Variants in IFNA8 observed in about 807,000 individuals in gnomAD.
The protein encoded by IFNA8 is interferon alpha 8.
For synonymous variants in IFNA8, 91 were observed against 84.4 expected, an observed-to-expected ratio of 1.08 and a Z score of -0.43; for missense variants, 246 against 212.3, an observed-to-expected ratio of 1.16 and a Z score of -0.99.
At position 21,409,213 on chromosome 9, in the gene IFNA8, G is replaced by A; in HGVS notation, c.37G>A (p.Val13Met). Residue 13 changes from valine (V) to methionine (M), a missense_variant, in exon 1 of 1, where the codon GTG becomes ATG. Val to Met is a conservative substitution (Grantham distance 21). Coordinates refer to ENST00000380205, the MANE Select transcript of IFNA8 (RefSeq NM_002170.4). ...TTTTTATTTACTGGTGGCCCTAGTG[G>A]TGCTCAGCTACAAGTCATTCAGCTC... ...LTFYLLVALV[V>M]LSYKSFSSLG... is the part of the protein sequence containing the mutation. 6.2e-7 allele frequency: 1 copy of A among 1,613,970 alleles called. No individual in the cohort carries two copies. Among genetic ancestry groups the A allele is most frequent in the Non-Finnish European group, 8.5e-7 (1 of 1,179,910 alleles).
At position 21,409,956 on chromosome 9, in the gene IFNA8, C is replaced by G. The variant is rs978360123; in HGVS notation, c.*210C>G. On this transcript the variant is annotated 3_prime_UTR_variant, in exon 1 of 1. Transcript: ENST00000380205. ...AGATGACCATGCTGATGGATCTATTCATCTATTTATTTAAATCTTTATTTA... is the reference window on the plus strand; with the variant it reads ...AGATGACCATGCTGATGGATCTATTGATCTATTTATTTAAATCTTTATTTA... 18 of 451,462 alleles carry G rather than the reference C, an allele frequency of 4.0e-5. No homozygotes were observed. The highest frequency in any genetic ancestry group is 7.4e-5 in the Non-Finnish European group (18 of 242,140). 28.0% of individuals were successfully genotyped at this position (451,462 alleles called of 1,614,324 possible).
rs1203108868 is a variant in IFNA8 at position 21,409,524 on chromosome 9, G to C, written c.348G>C (p.Leu116=). 2 of 1,613,964 alleles carry C rather than the reference G, an allele frequency of 1.2e-6. No individual in the cohort carries two copies. The highest frequency in any genetic ancestry group is 2.2e-5 in the South Asian group (2 of 91,078). Residue 116 remains leucine, a synonymous_variant, in exon 1 of 1, where the codon CTG becomes CTC. Coordinates refer to ENST00000380205, the MANE Select transcript of IFNA8 (RefSeq NM_002170.4). The stretch of plus-strand genomic sequence containing the variant: ...TCTACATCGAACTTGACCAGCAGCT[G>C]AATGACCTGGAGTCCTGTGTGATGC... ...DEFYIELDQQ[L]NDLESCVMQE... is the part of the protein sequence containing the mutation.
rs1162153455 is a variant in IFNA8, at chr9:21,409,614, C to T, written c.438C>T (p.Tyr146=). The T allele has an allele frequency of 6.2e-7, 1 of 1,613,976 alleles. No homozygotes were observed. The highest frequency in any genetic ancestry group is 2.2e-5 in the East Asian group (1 of 44,884). The change falls in exon 1 of 1, where the codon TAC becomes TAT. Residue 146 remains tyrosine, a synonymous_variant. Transcript: ENST00000380205. The stretch of plus-strand genomic sequence containing the variant: ...ACTCCATCCTGGCTGTGAGGAAATA[C>T]TTCCAAAGAATCACTCTATATCTGA... ...YEDSILAVRK[Y]FQRITLYLTE...
Position 21,409,747 on chromosome 9 carries a change from G to C in IFNA8, c.*1G>C. On this transcript the variant is annotated 3_prime_UTR_variant, in exon 1 of 1. Transcript: ENST00000380205. ...AAAAAGATTGAAGAGTAAGGAATGA[G>C]ACCTGGTACAACACGGAAATGATTC... The C allele has an allele frequency of 6.2e-7, 1 of 1,611,088 alleles. No individual in the cohort carries two copies. The highest frequency in any genetic ancestry group is 8.5e-7 in the Non-Finnish European group (1 of 1,177,528).
Position 21,409,738 on chromosome 9 carries a change from A to G in IFNA8, c.562A>G (p.Lys188Glu). Reference sequence around the variant, plus strand: ...CAACTTGCAAAAAAGATTGAAGAGTAAGGAATGAGACCTGGTACAACACGG... The same window carrying G: ...CAACTTGCAAAAAAGATTGAAGAGTGAGGAATGAGACCTGGTACAACACGG... The part of the protein sequence containing the change: ...SINLQKRLKS[K>E]E Residue 188 changes from lysine (K) to glutamate (E), a missense_variant, in exon 1 of 1, where the codon AAG (lysine) becomes GAG (glutamate). Physicochemically the swap from Lys to Glu is moderately conservative, Grantham distance 56 (BLOSUM62 1). Transcript: ENST00000380205. The G allele has an allele frequency of 1.2e-6, 2 of 1,612,924 alleles. No individual in the cohort carries two copies.
chr9:21,409,743 A>G lies in IFNA8; in HGVS notation c.567A>G (p.Glu189=). 3.7e-6 allele frequency: 6 copies of G among 1,612,102 alleles called. No homozygotes were observed. Among genetic ancestry groups the G allele is most frequent in the African/African-American group, 1.3e-5 (1 of 74,978 alleles). The stretch of plus-strand genomic sequence containing the variant: ...TGCAAAAAAGATTGAAGAGTAAGGA[A>G]TGAGACCTGGTACAACACGGAAATG... ...INLQKRLKSK[E] The change falls in exon 1 of 1, where the codon GAA becomes GAG. Residue 189 remains glutamate, a synonymous_variant. Coordinates refer to ENST00000380205, the MANE Select transcript of IFNA8 (RefSeq NM_002170.4).
rs763332295 is a variant in IFNA8 at position 21,409,712 on chromosome 9, T to G, written c.536T>G (p.Ile179Ser). Residue 179 changes from isoleucine to serine, a missense_variant, in exon 1 of 1, where the codon ATC (isoleucine) becomes AGC (serine). Ile to Ser is a moderately radical substitution (Grantham distance 142, BLOSUM62 -2). Coordinates refer to ENST00000380205, the MANE Select transcript of IFNA8 (RefSeq NM_002170.4). Reference sequence around the variant, plus strand: ...ATCATGAGATCCTTCTCTTTATCAATCAACTTGCAAAAAAGATTGAAGAGT... The same window carrying G: ...ATCATGAGATCCTTCTCTTTATCAAGCAACTTGCAAAAAAGATTGAAGAGT... ...AEIMRSFSLS[I>S]NLQKRLKSKE The G allele has an allele frequency of 1.2e-6, 2 of 1,613,348 alleles. No individual in the cohort carries two copies. Among genetic ancestry groups the G allele is most frequent in the Admixed American group, 3.3e-5 (2 of 59,856 alleles).
Position 21,409,820 on chromosome 9 carries a change from A to G in IFNA8, c.*74A>G. 2 of 1,365,898 alleles carry G rather than the reference A, an allele frequency of 1.5e-6. No homozygotes were observed. The highest frequency in any genetic ancestry group is 2.1e-6 in the Non-Finnish European group (2 of 970,924). The allele number at this position is 1,365,898 out of a possible 1,614,324, so 84.6% of individuals were successfully genotyped here. On this transcript the variant is annotated 3_prime_UTR_variant, in exon 1 of 1. Coordinates refer to ENST00000380205, the MANE Select transcript of IFNA8 (RefSeq NM_002170.4). ...ACACTTCGACAAGTTGTGCTCTTTC[A>G]AAGACCCTTGTTTCTGCCAAAACCA...
At position 21,409,502 on chromosome 9, in the gene IFNA8, A is replaced by T; in HGVS notation, c.326A>T (p.Tyr109Phe). ...GATGAGACCCTTCTAGATGAATTCT[A>T]CATCGAACTTGACCAGCAGCTGAAT... Reference protein sequence around the residue: ...ALDETLLDEFYIELDQQLNDL... With the variant: ...ALDETLLDEFFIELDQQLNDL... Residue 109 changes from tyrosine to phenylalanine, a missense_variant, in exon 1 of 1, where the codon TAC (tyrosine) becomes TTC (phenylalanine). Coordinates refer to ENST00000380205, the MANE Select transcript of IFNA8 (RefSeq NM_002170.4). 1 of 1,614,060 alleles carries T rather than the reference A, an allele frequency of 6.2e-7. No homozygotes were observed.
rs994277758 is a variant in IFNA8 at position 21,410,028 on chromosome 9, T to C, written c.*282T>C. On this transcript the variant is annotated 3_prime_UTR_variant, in exon 1 of 1. Coordinates refer to ENST00000380205, the MANE Select transcript of IFNA8 (RefSeq NM_002170.4). ...AATTAGTTTTGTTCATATTATATTA[T>C]GTGAACTTTTACATTGTGAATTGTG... 4.4e-6 allele frequency: 1 copy of C among 227,034 alleles called. No individual in the cohort carries two copies. The highest frequency in any genetic ancestry group is 9.3e-5 in the South Asian group (1 of 10,744). The allele number at this position is 227,034 out of a possible 1,614,324, so 14.1% of individuals were successfully genotyped here. A position where few individuals can be genotyped will look rare whatever the true frequency, so the allele number is the denominator to read the frequency against.
rs772089007 is a variant in IFNA8 at position 21,409,370 on chromosome 9, A to C, written c.194A>C (p.Glu65Ala). 6.2e-7 allele frequency: 1 copy of C among 1,614,046 alleles called. No individual in the cohort carries two copies. Among genetic ancestry groups the C allele is most frequent in the Admixed American group, 1.7e-5 (1 of 59,998 alleles). The change falls in exon 1 of 1, where the codon GAG (glutamate) becomes GCG (alanine). Residue 65 changes from glutamate (E) to alanine (A), a missense_variant. Transcript: ENST00000380205. ...DRHDFEFPQE[E>A]FDDKQFQKAQ... is the part of the protein sequence containing the mutation. Reference sequence around the variant, plus strand: ...CATGACTTTGAATTCCCCCAGGAGGAGTTTGATGATAAACAGTTCCAGAAG... The same window carrying C: ...CATGACTTTGAATTCCCCCAGGAGGCGTTTGATGATAAACAGTTCCAGAAG...
rs200595461 is a variant in IFNA8 at position 21,409,455 on chromosome 9, A to C, written c.279A>C (p.Thr93=). 6.2e-7 allele frequency: 1 copy of C among 1,614,102 alleles called. No individual in the cohort carries two copies. The highest frequency in any genetic ancestry group is 1.1e-5 in the South Asian group (1 of 91,082). Residue 93 remains threonine (T), a synonymous_variant, in exon 1 of 1, where the codon ACA becomes ACC. Transcript: ENST00000380205. ...AGCAGACCTTCAACCTCTTCAGCAC[A>C]AAGGACTCATCTGCTGCTTTGGATG... ...MIQQTFNLFS[T]KDSSAALDET...
chr9:21,409,755 A>C lies in IFNA8; in HGVS notation c.*9A>C, dbSNP rs767697979. 6.2e-7 allele frequency: 1 copy of C among 1,608,234 alleles called. No homozygotes were observed. Among genetic ancestry groups the C allele is most frequent in the East Asian group, 2.2e-5 (1 of 44,852 alleles). ...TGAAGAGTAAGGAATGAGACCTGGTACAACACGGAAATGATTCTTATAGAC... is the reference window on the plus strand; with the variant it reads ...TGAAGAGTAAGGAATGAGACCTGGTCCAACACGGAAATGATTCTTATAGAC... On this transcript the variant is annotated 3_prime_UTR_variant, in exon 1 of 1. Coordinates refer to ENST00000380205, the MANE Select transcript of IFNA8 (RefSeq NM_002170.4).
In IFNA8 at chr9:21,409,767, TG is replaced by T; in HGVS notation, c.*22del. 1 of 1,600,812 alleles carries T rather than the reference TG, an allele frequency of 6.2e-7. No individual in the cohort carries two copies. The highest frequency in any genetic ancestry group is 1.1e-5 in the South Asian group (1 of 90,656). On this transcript the variant is annotated 3_prime_UTR_variant, in exon 1 of 1. Coordinates refer to ENST00000380205, the MANE Select transcript of IFNA8 (RefSeq NM_002170.4). ...AATGAGACCTGGTACAACACGGAAA[TG>T]ATTCTTATAGACTAATACAGCAGCT...
In IFNA8 at chr9:21,409,682, C is replaced by A. The variant is rs1267461758; in HGVS notation, c.506C>A (p.Ala169Glu). 13 of 1,613,788 alleles carry A rather than the reference C, an allele frequency of 8.1e-6. No individual in the cohort carries two copies. Among genetic ancestry groups the A allele is most frequent in the Non-Finnish European group, 1.1e-5 (13 of 1,179,840 alleles). ...TCTTGTGCCTGGGAGGTTGTCAGAG[C>A]AGAAATCATGAGATCCTTCTCTTTA... ...YSSCAWEVVR[A>E]EIMRSFSLSI... is the part of the protein sequence containing the mutation. The change falls in exon 1 of 1, where the codon GCA (alanine) becomes GAA (glutamate). Residue 169 changes from alanine to glutamate, a missense_variant. Transcript: ENST00000380205.
At position 21,409,689 on chromosome 9, in the gene IFNA8, C is replaced by G. The variant is rs1237679983; in HGVS notation, c.513C>G (p.Ile171Met). Reference sequence around the variant, plus strand: ...CCTGGGAGGTTGTCAGAGCAGAAATCATGAGATCCTTCTCTTTATCAATCA... The same window carrying G: ...CCTGGGAGGTTGTCAGAGCAGAAATGATGAGATCCTTCTCTTTATCAATCA... ...SCAWEVVRAE[I>M]MRSFSLSINL... Residue 171 changes from isoleucine to methionine, a missense_variant, in exon 1 of 1, where the codon ATC (isoleucine) becomes ATG (methionine). Ile to Met is a conservative substitution (Grantham distance 10). Transcript: ENST00000380205. 6.2e-7 allele frequency: 1 copy of G among 1,613,844 alleles called. No individual in the cohort carries two copies. Among genetic ancestry groups the G allele is most frequent in the South Asian group, 1.1e-5 (1 of 91,052 alleles).
In IFNA8 at chr9:21,409,658, C is replaced by G; in HGVS notation, c.482C>G (p.Ser161Cys). Residue 161 changes from serine to cysteine, a missense_variant, in exon 1 of 1, where the codon TCT becomes TGT. Coordinates refer to ENST00000380205, the MANE Select transcript of IFNA8 (RefSeq NM_002170.4). Reference protein sequence around the residue: ...TLYLTEKKYSSCAWEVVRAEI... With the variant: ...TLYLTEKKYSCCAWEVVRAEI... ...TATCTGACAGAGAAGAAATACAGCT[C>G]TTGTGCCTGGGAGGTTGTCAGAGCA... 1 of 1,613,912 alleles carries G rather than the reference C, an allele frequency of 6.2e-7. No homozygotes were observed. Among genetic ancestry groups the G allele is most frequent in the Non-Finnish European group, 8.5e-7 (1 of 1,179,824 alleles).
rs1818016550 is a variant in IFNA8, at chr9:21,409,557, G to A, written c.381G>A (p.Val127=). 1 of 1,613,912 alleles carries A rather than the reference G, an allele frequency of 6.2e-7. No homozygotes were observed. The highest frequency in any genetic ancestry group is 2.2e-5 in the East Asian group (1 of 44,902). ...NDLESCVMQE[V]GVIESPLMYE... is the part of the protein sequence containing the mutation. Reference sequence around the variant, plus strand: ...TGGAGTCCTGTGTGATGCAGGAAGTGGGGGTGATAGAGTCTCCCCTGATGT... The same window carrying A: ...TGGAGTCCTGTGTGATGCAGGAAGTAGGGGTGATAGAGTCTCCCCTGATGT... Residue 127 remains valine, a synonymous_variant, in exon 1 of 1, where the codon GTG becomes GTA. Transcript: ENST00000380205.
At position 21,409,623 on chromosome 9, in the gene IFNA8, A is replaced by G; in HGVS notation, c.447A>G (p.Arg149=). Residue 149 remains arginine, a synonymous_variant, in exon 1 of 1, where the codon AGA becomes AGG. Coordinates refer to ENST00000380205, the MANE Select transcript of IFNA8 (RefSeq NM_002170.4). ...SILAVRKYFQ[R]ITLYLTEKKY... ...TGGCTGTGAGGAAATACTTCCAAAG[A>G]ATCACTCTATATCTGACAGAGAAGA... The G allele has an allele frequency of 6.2e-7, 1 of 1,613,938 alleles. No individual in the cohort carries two copies. Among genetic ancestry groups the G allele is most frequent in the Non-Finnish European group, 8.5e-7 (1 of 1,179,854 alleles).
Sources: allele counts gnomAD v4.1 joint callset, GRCh38; gene constraint gnomAD v4.1.1; transcripts MANE v1.5; gene names NCBI Gene and HGNC (gene_info 2026-07-23, HGNC 2026-07-21).